The following SOX5 variants were observed in gnomAD, a reference collection of about 807,000 sequenced individuals.
SOX5 encodes the protein SRY-box transcription factor 5.
SOX5 carries 9 observed loss-of-function variants against 92.0 expected under a neutral mutation model. That is an observed-to-expected ratio of 0.10 (90% CI 0.06 to 0.17). The LOEUF is 0.17. SOX5 is among the 10% of genes least tolerant of loss of function. SOX5 has a pLI of 1.00. For synonymous variants in SOX5, 344 were observed against 336.3 expected, an observed-to-expected ratio of 1.02 and a Z score of -0.25; for missense variants, 642 against 944.5, an observed-to-expected ratio of 0.68 and a Z score of 4.20.
intron 1 of SOX5, chr12:24,407,636 G>A (rs1370569439): frequency 6.6e-6 from 1 of 152,206 alleles, no homozygotes; most frequent in Admixed American, 6.5e-5. Context: ...TTGACTGTCT[G>A]AAGTCTTAGC....
rs114797410 is a variant in SOX5, at chr12:24,458,311, T to C, written c.-250-89672A>G. 7.2e-3 allele frequency among the ~76,000 whole-genome samples: 1,099 copies of C among 152,302 alleles called. 14 individuals are homozygous for C. Among genetic ancestry groups the C allele is most frequent in the African/African-American group, 0.025 (1,023 of 41,568 alleles). ...TTGTTTTTTTACTTATATATTTGGT[T>C]CAGTGTCTTCTCTAAAAACTCCAGA... On this transcript the variant is annotated intron_variant, in intron 1 of 4. Transcript: ENST00000446891.
chr12:23,905,843 C>G (rs959347166), intron 1 of SOX5, among the ~76,000 whole-genome samples: 1 of 152,032 alleles, frequency 6.6e-6, no homozygotes, highest in African/African-American at 2.4e-5. Context: ...GTAATAAGCA[C>G]GTTCTACTAA....
At chr12:23,878,839 A>G (rs2096956477) in intron 2 of SOX5, among the ~76,000 whole-genome samples, 1 of 152,102 alleles carries the variant, frequency 6.6e-6, no homozygotes, top group Admixed American at 6.6e-5. Flanking sequence ...TGTAATATTC[A>G]TATATTCTAT....
chr12:23,892,513 T>A (rs1420685076), intron 2 of SOX5, among the ~76,000 whole-genome samples: 4 of 152,214 alleles, frequency 2.6e-5, no homozygotes, highest in Non-Finnish European at 4.4e-5. Flanking sequence ...AGAGCCCACA[T>A]TAGCTTCAAA....
intron 4 of SOX5, among the ~76,000 whole-genome samples, chr12:23,748,890 G>T (rs931834358): frequency 6.6e-6 from 1 of 151,736 alleles, no homozygotes; most frequent in East Asian, 1.9e-4. Flanking sequence ...GCTCTAGGAG[G>T]GCAGGAATCT....
chr12:24,287,937 C>T (rs562138939), intron 2 of SOX5, among the ~76,000 whole-genome samples: 3 of 152,222 alleles, frequency 2.0e-5, no homozygotes, highest in Non-Finnish European at 4.4e-5. Context: ...AGATCACACC[C>T]AGGAGTAAGA....
chr12:23,962,446 C>T (rs140858167), intron 4 of SOX5, among the ~76,000 whole-genome samples: 1 of 151,862 alleles, frequency 6.6e-6, no homozygotes, highest in Non-Finnish European at 1.5e-5. Flanking sequence ...AGGGTCTCCA[C>T]GTTAAAAATT....
chr12:24,197,070 A>G (rs1957074518), intron 4 of SOX5, among the ~76,000 whole-genome samples: 1 of 152,180 alleles, frequency 6.6e-6, no homozygotes, highest in African/African-American at 2.4e-5. Flanking sequence ...ACAACTCAGA[A>G]TGGCCTAGCC....
rs533592356 is a variant in SOX5 at position 23,734,900 on chromosome 12, T to C, written c.742-148A>G. 8 of 605,218 alleles carry C rather than the reference T, an allele frequency of 1.3e-5. No individual in the cohort carries two copies. In the East Asian group the frequency reaches 2.2e-4, roughly 17 times the overall value. 37.5% of individuals were successfully genotyped at this position (605,218 alleles called of 1,614,324 possible). A position where few individuals can be genotyped will look rare whatever the true frequency, so the allele number is the denominator to read the frequency against. Reference sequence around the variant, plus strand: ...GTGCTCCTAAATTATCAGCAATTCATCCTAAATAAGATCAAGGAAGATATT... The same window carrying C: ...GTGCTCCTAAATTATCAGCAATTCACCCTAAATAAGATCAAGGAAGATATT... On this transcript the variant is annotated intron_variant, in intron 5 of 14. Coordinates refer to ENST00000451604, the MANE Select transcript of SOX5 (RefSeq NM_006940.6).
intron 4 of SOX5, among the ~76,000 whole-genome samples, chr12:23,972,346 T>C (rs1487499203): frequency 2.0e-5 from 3 of 150,908 alleles, no homozygotes; most frequent in Non-Finnish European, 2.9e-5. Flanking sequence ...CTTCCTATGG[T>C]TTTTTTGTTT....
intron 4 of SOX5, among the ~76,000 whole-genome samples, chr12:24,065,772 A>ACTT (rs1350124790): frequency 1.3e-5 from 2 of 152,150 alleles, no homozygotes; most frequent in East Asian, 3.8e-4. Context: ...TCAACCAGGA[A>ACTT]CTTCTTCACT....
chr12:23,919,531 A>C (rs545236197), intron 1 of SOX5, among the ~76,000 whole-genome samples: 1 of 152,368 alleles, frequency 6.6e-6, no homozygotes, highest in South Asian at 2.1e-4. Flanking sequence ...AAGATATCAC[A>C]CTGAGCTATA....
chr12:24,232,859 T>TA (rs1225406263), intron 3 of SOX5, among the ~76,000 whole-genome samples: 7 of 151,610 alleles, frequency 4.6e-5, no homozygotes, highest in African/African-American at 7.3e-5. Context: ...TTCCGACACT[T>TA]AAAAAAAAAC....
chr12:24,389,124 A>T (rs1337145247), intron 1 of SOX5, among the ~76,000 whole-genome samples: 1 of 150,518 alleles, frequency 6.6e-6, no homozygotes, highest in East Asian at 2.0e-4. Context: ...ACCCCACAAC[A>T]GTCCCCAGAG....
At chr12:24,363,442 T>A (rs1174121761) in intron 2 of SOX5, among the ~76,000 whole-genome samples, 1 of 152,084 alleles carries the variant, frequency 6.6e-6, no homozygotes, top group African/African-American at 2.4e-5. Context: ...AAGTCACCAT[T>A]TACAATATTG....
At chr12:24,291,097 T>C (rs1184193146) in intron 2 of SOX5, among the ~76,000 whole-genome samples, 1 of 152,188 alleles carries the variant, frequency 6.6e-6, no homozygotes, top group Non-Finnish European at 1.5e-5. Context: ...ATTATTCTCC[T>C]TTTATTATTA....
intron 1 of SOX5, among the ~76,000 whole-genome samples, chr12:23,903,793 T>G (rs1396056893): frequency 6.6e-6 from 1 of 152,220 alleles, no homozygotes; most frequent in Admixed American, 6.5e-5. Flanking sequence ...TTAAGGTTGT[T>G]GTGAAAAGGC....
At chr12:24,026,431 G>A (rs1214499643) in intron 4 of SOX5, among the ~76,000 whole-genome samples, 8 of 151,802 alleles carry the variant, frequency 5.3e-5, no homozygotes, top group South Asian at 2.1e-4. Context: ...CTTGACCATA[G>A]AGAAGATGTT....
intron 9 of SOX5, among the ~76,000 whole-genome samples, chr12:23,599,472 G>C (rs1953070672): frequency 6.6e-6 from 1 of 152,202 alleles, no homozygotes; most frequent in African/African-American, 2.4e-5. Context: ...TGTGACTTGG[G>C]GTATGACCAG....
Sources: gnomAD v4.1 joint callset for allele counts (sites outside exome capture counted in the v4.1 genomes callset) on GRCh38, gnomAD v4.1.1 for gene constraint, MANE v1.5 for transcripts, NCBI Gene and HGNC (gene_info 2026-07-23, HGNC 2026-07-21) for gene names.